CC2D2A: variants seen among roughly 807,000 people sequenced by gnomAD.
CC2D2A encodes coiled-coil and C2 domain containing 2A, also known as coiled-coil and C2 domain-containing protein 2A.
CC2D2A carries 155 observed loss-of-function variants against 212.9 expected under a neutral mutation model. The observed-to-expected ratio is 0.73, with a 90% confidence interval of 0.64 to 0.83. The LOEUF is 0.83. Ranked by LOEUF, CC2D2A falls within the 40% of genes least tolerant of loss-of-function variation. The probability of loss-of-function intolerance (pLI) is 0.00; values close to 1 mark genes in which losing one functional copy is unlikely to be tolerated. For synonymous variants in CC2D2A, 667 were observed against 686.5 expected (o/e 0.97, Z 0.44); for missense variants, 1,856 against 1,956.2 (o/e 0.95, Z 0.97).
chr4:15,600,469 C>G (rs1053582667), intron 36 of CC2D2A, among the ~76,000 whole-genome samples: 1 of 152,164 alleles, frequency 6.6e-6, no homozygotes, highest in South Asian at 2.1e-4. Context: ...GGAACACTTA[C>G]AGAATTCACA....
intron 22 of CC2D2A, among the ~76,000 whole-genome samples, chr4:15,559,530 C>T (rs1423057356): frequency 6.6e-6 from 1 of 152,086 alleles, no homozygotes; most frequent in Non-Finnish European, 1.5e-5. Context: ...CATGTTTTTT[C>T]TAATATTTGA....
intron 2 of CC2D2A, 99 bp downstream of exon 2, chr4:15,476,070 T>C: frequency 1.1e-6 from 1 of 951,318 alleles, no homozygotes; most frequent in Non-Finnish European, 1.6e-6. Context: ...CCAGCATCTA[T>C]TGCACATGTT....
chr4:15,561,356 T>C (rs1474266376), intron 23 of CC2D2A, among the ~76,000 whole-genome samples: 1 of 152,110 alleles, frequency 6.6e-6, no homozygotes, highest in Non-Finnish European at 1.5e-5. Flanking sequence ...CACCATCAAG[T>C]TGGGAAGGAG....
chr4:15,559,426 T>A (rs1719453808), intron 22 of CC2D2A, among the ~76,000 whole-genome samples, 169 bp downstream of exon 22: 3 of 152,248 alleles, frequency 2.0e-5, no homozygotes. Flanking sequence ...TATCATCACC[T>A]TTCAAATATA....
chr4:15,475,714 C>T (rs1577305297), intron 1 of CC2D2A, among the ~76,000 whole-genome samples: 1 of 152,270 alleles, frequency 6.6e-6, no homozygotes, highest in East Asian at 1.9e-4. Context: ...CTCCCAGGGA[C>T]AGGGAGACCT....
At position 15,528,672 on chromosome 4, in the gene CC2D2A, A is replaced by G; in HGVS notation, c.1412A>G (p.His471Arg). ...ACTGGCCTTGATCCAGAAAAACCTC[A>G]TCAGTCTCTCGATACCATCCAAAAA... ...VQTGLDPEKP[H>R]QSLDTIQKTI... The change falls in exon 13 of 37, where the codon CAT becomes CGT. Residue 471 changes from histidine to arginine, a missense_variant. Transcript: ENST00000424120. 1 of 1,613,930 alleles carries G rather than the reference A, an allele frequency of 6.2e-7. No individual in the cohort carries two copies. Among genetic ancestry groups the G allele is most frequent in the Non-Finnish European group, 8.5e-7 (1 of 1,179,824 alleles).
chr4:15,541,744 A>G lies in CC2D2A; in HGVS notation c.2181+730A>G, dbSNP rs150393781. Among the ~76,000 whole-genome samples, 389 of 152,260 alleles carry G rather than the reference A, an allele frequency of 2.6e-3. 7 individuals are homozygous for G. Among genetic ancestry groups the G allele is most frequent in the African/African-American group, 9.1e-3 (377 of 41,542 alleles). ...AGATACAGGTGCTAGGATCCCCCAA[A>G]AATTAATAAATCTCCTCACTAGCCT... On this transcript the variant is annotated intron_variant, in intron 17 of 36. Coordinates refer to ENST00000424120, the MANE Select transcript of CC2D2A (RefSeq NM_001378615.1).
At chr4:15,533,390 A>G in intron 14 of CC2D2A, 57 bp downstream of exon 14, 1 of 1,246,252 alleles carries the variant, frequency 8.0e-7, no homozygotes, top group Non-Finnish European at 1.1e-6. Context: ...AGAAAAATGT[A>G]TAAAACATGG....
At chr4:15,534,836 A>T (rs1279232949) in intron 14 of CC2D2A, among the ~76,000 whole-genome samples, 1 of 152,138 alleles carries the variant, frequency 6.6e-6, no homozygotes, top group African/African-American at 2.4e-5. Flanking sequence ...TTGTCGTTGT[A>T]TATCTGGTCC....
chr4:15,530,634 TG>T (rs1355264486), intron 13 of CC2D2A, among the ~76,000 whole-genome samples: 1 of 152,142 alleles, frequency 6.6e-6, no homozygotes, highest in East Asian at 1.9e-4. Flanking sequence ...TCTGTGCCCT[TG>T]GAGATGAAAG....
At chr4:15,538,892 A>G (rs1718275815) in intron 16 of CC2D2A, among the ~76,000 whole-genome samples, 1 of 152,116 alleles carries the variant, frequency 6.6e-6, no homozygotes, top group Non-Finnish European at 1.5e-5. Flanking sequence ...AGCATCACTG[A>G]GGACTTGTTA....
rs770375687 is a variant in CC2D2A at position 15,569,302 on chromosome 4, T to C, written c.3408T>C (p.Asn1136=). The change falls in exon 27 of 37, where the codon AAT becomes AAC. Residue 1136 remains asparagine (N), a synonymous_variant. Coordinates refer to ENST00000424120, the MANE Select transcript of CC2D2A (RefSeq NM_001378615.1). Reference sequence around the variant, plus strand: ...ATGTGCTGTCTTGCAGGGCTCCTAATGGAGATTATAGCACAGCCAGTCTGC... The same window carrying C: ...ATGTGCTGTCTTGCAGGGCTCCTAACGGAGATTATAGCACAGCCAGTCTGC... ...EELELPFRAP[N]GDYSTASLQS... is the part of the protein sequence containing the mutation. The C allele has an allele frequency of 6.4e-7, 1 of 1,571,596 alleles. No homozygotes were observed.
intron 11 of CC2D2A, chr4:15,519,592 A>C (rs1717092189): frequency 2.3e-6 from 1 of 437,746 alleles, no homozygotes; most frequent in African/African-American, 2.0e-5. Context: ...CAATTTACAA[A>C]AGAAAGAGGT....
Position 15,533,301 on chromosome 4 carries a change from T to C in CC2D2A, c.1575T>C (p.Phe525=), listed in dbSNP as rs749655857. 6.3e-7 allele frequency: 1 copy of C among 1,587,818 alleles called. No individual in the cohort carries two copies. Among genetic ancestry groups the C allele is most frequent in the South Asian group, 1.2e-5 (1 of 86,160 alleles). Residue 525 remains phenylalanine, a synonymous_variant, in exon 14 of 37, where the codon TTT becomes TTC. Coordinates refer to ENST00000424120, the MANE Select transcript of CC2D2A (RefSeq NM_001378615.1). ...AATCCCTTCGAGAGTTCCAGAGATT[T>C]ACAAATACTCCCTTGAAACTTGTTT... is the stretch of plus-strand genomic sequence containing the variant. The part of the protein sequence containing the change: ...EMKSLREFQR[F]TNTPLKLVLR...
chr4:15,493,245 ATTATTTATTTAT>A (rs58220743), intron 4 of CC2D2A, among the ~76,000 whole-genome samples: 1 of 148,252 alleles, frequency 6.7e-6, no homozygotes, highest in Non-Finnish European at 1.5e-5. Flanking sequence ...CACTTTATTT[ATTATTTATTTAT>A]TTATTTATTT....
At chr4:15,578,816 G>T (rs10002934) in intron 29 of CC2D2A, among the ~76,000 whole-genome samples, 49,919 of 118,396 alleles carry the variant, frequency 0.42, 8,667 homozygotes, top group Non-Finnish European at 0.47. Flanking sequence ...TTGTTTGTTT[G>T]TTTTTAATAG....
intron 22 of CC2D2A, among the ~76,000 whole-genome samples, 178 bp downstream of exon 22, chr4:15,559,435 T>G (rs1328903904): frequency 1.3e-5 from 2 of 152,208 alleles, no homozygotes; most frequent in Non-Finnish European, 2.9e-5. Flanking sequence ...CTTTCAAATA[T>G]ATGAAACAAC....
intron 11 of CC2D2A, among the ~76,000 whole-genome samples, chr4:15,524,601 C>G (rs1273489386): frequency 6.6e-6 from 1 of 151,968 alleles, no homozygotes; most frequent in African/African-American, 2.4e-5. Flanking sequence ...CAGGTGCCCG[C>G]CACCACGCTC....
At chr4:15,566,890 G>A (rs1039743211) in intron 24 of CC2D2A, among the ~76,000 whole-genome samples, 7 of 151,668 alleles carry the variant, frequency 4.6e-5, no homozygotes, top group South Asian at 4.2e-4. Context: ...TGGGAGGATC[G>A]CTTGAGCCTG....
Sources: allele counts gnomAD v4.1 joint callset (sites outside exome capture counted in the v4.1 genomes callset), GRCh38; gene constraint gnomAD v4.1.1; transcripts MANE v1.5; gene names NCBI Gene and HGNC (gene_info 2026-07-23, HGNC 2026-07-21).